The following MCTP1 variants were observed in gnomAD, a reference collection of about 807,000 sequenced individuals.
MCTP1 encodes multiple C2 and transmembrane domain containing 1, also known as multiple C2 and transmembrane domain-containing protein 1.
A neutral mutation model predicts 120.6 loss-of-function variants in MCTP1; 69 were observed. That is an observed-to-expected ratio of 0.57 (90% CI 0.47 to 0.70). MCTP1 has a LOEUF of 0.70. Among genes scored for constraint, MCTP1 ranks in the 30% least tolerant of loss-of-function variants. MCTP1 has a pLI of 0.00. For synonymous variants in MCTP1, 529 were observed against 493.1 expected, an observed-to-expected ratio of 1.07 and a Z score of -0.96; for missense variants, 1,203 against 1,248.8, an observed-to-expected ratio of 0.96 and a Z score of 0.55.
chr5:95,177,924 G>A (rs1748194874), intron 1 of MCTP1, among the ~76,000 whole-genome samples: 1 of 152,234 alleles, frequency 6.6e-6, no homozygotes, highest in South Asian at 2.1e-4. Context: ...CGATAAAGCA[G>A]TCAGTGAGGT....
At chr5:94,782,558 T>C (rs1298862925) in intron 18 of MCTP1, among the ~76,000 whole-genome samples, 2 of 152,120 alleles carry the variant, frequency 1.3e-5, no homozygotes, top group African/African-American at 2.4e-5. Flanking sequence ...ATTACTGAAG[T>C]GCATTTAATG....
chr5:95,081,181 A>C (rs570513275), intron 1 of MCTP1, among the ~76,000 whole-genome samples: 1 of 152,302 alleles, frequency 6.6e-6, no homozygotes, highest in African/African-American at 2.4e-5. Context: ...AGCTACCACA[A>C]TGTTTCCATT....
At chr5:94,853,803 C>A (rs1174235590) in intron 17 of MCTP1, among the ~76,000 whole-genome samples, 3 of 152,048 alleles carry the variant, frequency 2.0e-5, no homozygotes, top group Non-Finnish European at 4.4e-5. Flanking sequence ...GAGAAATACT[C>A]TGTCCACAAG....
intron 1 of MCTP1, among the ~76,000 whole-genome samples, chr5:95,170,482 G>T (rs546340203): frequency 6.6e-6 from 1 of 152,076 alleles, no homozygotes; most frequent in Non-Finnish European, 1.5e-5. Flanking sequence ...TTTCTGTCTC[G>T]TTGATCTGTC....
rs1392906102 is a variant in MCTP1 at position 95,061,416 on chromosome 5, T to G, written c.721-43932A>C. On this transcript the variant is annotated intron_variant, in intron 1 of 22. Coordinates refer to ENST00000515393, the MANE Select transcript of MCTP1 (RefSeq NM_024717.7). ...TCACAAACCCCTTAAGGGTTTTTTT[T>G]TTTTTTTTTTTTTTTTTTTTTTTTT... 8.3e-3 allele frequency among the ~76,000 whole-genome samples: 124 copies of G among 14,868 alleles called. 30 individuals carry two copies. Among genetic ancestry groups the G allele is most frequent in the Non-Finnish European group, 0.011 (86 of 7,892 alleles). The allele number at this position is 14,868 out of a possible 152,430, so 9.8% of individuals were successfully genotyped here.
intron 17 of MCTP1, among the ~76,000 whole-genome samples, chr5:94,857,579 C>T (rs1794945321): frequency 6.6e-6 from 1 of 151,640 alleles, no homozygotes; most frequent in Non-Finnish European, 1.5e-5. Flanking sequence ...AAGTTAAATA[C>T]TTTTTCATAC....
intron 12 of MCTP1, among the ~76,000 whole-genome samples, chr5:94,879,366 T>C (rs1799582265): frequency 6.6e-6 from 1 of 152,018 alleles, no homozygotes; most frequent in Non-Finnish European, 1.5e-5. Context: ...ACATTTAGCA[T>C]CCCCAACCCC....
At chr5:94,990,010 T>G (rs1831219691) in intron 2 of MCTP1, among the ~76,000 whole-genome samples, 1 of 152,194 alleles carries the variant, frequency 6.6e-6, no homozygotes, top group Admixed American at 6.5e-5. Context: ...AGTAACAGCA[T>G]GTAAACTGTT....
intron 18 of MCTP1, among the ~76,000 whole-genome samples, chr5:94,790,146 C>T (rs1028992358): frequency 2.6e-5 from 4 of 152,172 alleles, no homozygotes; most frequent in East Asian, 1.9e-4. Flanking sequence ...CCATGAGCCA[C>T]GATAGCCACT....
At chr5:95,138,676 G>A (rs1014592497) in intron 1 of MCTP1, among the ~76,000 whole-genome samples, 5 of 152,060 alleles carry the variant, frequency 3.3e-5, no homozygotes, top group African/African-American at 7.2e-5. Flanking sequence ...GTGAGCCGCC[G>A]TCCCTCCAGC....
At chr5:94,766,186 G>A (rs769194190) in intron 19 of MCTP1, among the ~76,000 whole-genome samples, 2 of 152,210 alleles carry the variant, frequency 1.3e-5, no homozygotes, top group Non-Finnish European at 2.9e-5. Context: ...GGTGGAGGTT[G>A]CAGTGAGCTG....
intron 1 of MCTP1, among the ~76,000 whole-genome samples, chr5:95,267,131 T>A (rs1006841241): frequency 1.3e-5 from 2 of 152,168 alleles, no homozygotes; most frequent in Non-Finnish European, 2.9e-5. Flanking sequence ...ACAAATTAAA[T>A]CCCCTTTACC....
chr5:94,777,921 A>AGTGTGTGT (rs1460355421), intron 19 of MCTP1, among the ~76,000 whole-genome samples: 10 of 82,256 alleles, frequency 1.2e-4, no homozygotes, highest in African/African-American at 5.7e-4. Context: ...GAAGGGAGAA[A>AGTGTGTGT]GTGTGCGTGT....
At chr5:94,846,776 G>A (rs1174559552) in intron 17 of MCTP1, among the ~76,000 whole-genome samples, 1 of 151,612 alleles carries the variant, frequency 6.6e-6, no homozygotes, top group African/African-American at 2.4e-5. Context: ...GTGTGTCTCT[G>A]GTATGTGTGT....
chr5:95,063,741 C>T (rs1247780019), intron 1 of MCTP1, among the ~76,000 whole-genome samples: 1 of 152,136 alleles, frequency 6.6e-6, no homozygotes, highest in Admixed American at 6.5e-5. Flanking sequence ...GGACTACAGG[C>T]ATGCAGCACC....
In MCTP1 at chr5:95,234,005, C is replaced by T. The variant is rs1461417509; in HGVS notation, c.720+49851G>A. 2.0e-5 allele frequency among the ~76,000 whole-genome samples: 3 copies of T among 147,830 alleles called. No homozygotes were observed. In the East Asian group the frequency reaches 5.9e-4, roughly 29 times the overall value. On this transcript the variant is annotated intron_variant, in intron 1 of 22. Coordinates refer to ENST00000515393, the MANE Select transcript of MCTP1 (RefSeq NM_024717.7). ...CTGATAAACCTTGAGCCAGACCAGG[C>T]AGATCAGAGAAGAAAAAAAAAAAAA...
intron 19 of MCTP1, among the ~76,000 whole-genome samples, chr5:94,731,514 C>T (rs1387543295): frequency 2.0e-5 from 3 of 152,072 alleles, no homozygotes; most frequent in African/African-American, 7.2e-5. Context: ...TTGACTTTTC[C>T]TACCTGATTC....
At chr5:94,960,700 T>C (rs1823908736) in intron 2 of MCTP1, among the ~76,000 whole-genome samples, 1 of 151,970 alleles carries the variant, frequency 6.6e-6, no homozygotes. Context: ...AGAAATGTAA[T>C]ACAAATTAAA....
chr5:94,935,975 A>AT (rs1816090337), intron 5 of MCTP1, among the ~76,000 whole-genome samples: 2 of 152,020 alleles, frequency 1.3e-5, no homozygotes, highest in African/African-American at 4.8e-5. Context: ...TGGATCTCTG[A>AT]TTTTTAACCA....
Sources: allele counts gnomAD v4.1 joint callset (sites outside exome capture counted in the v4.1 genomes callset), GRCh38; gene constraint gnomAD v4.1.1; transcripts MANE v1.5; gene names NCBI Gene and HGNC (gene_info 2026-07-23, HGNC 2026-07-21).